Variants in RBMS3 observed in about 807,000 individuals in gnomAD.
RBMS3 encodes RNA-binding motif, single-stranded-interacting protein 3.
In RBMS3, 27 loss-of-function variants were observed where a neutral mutation model predicts 66.8. The observed-to-expected ratio is 0.40, with a 90% CI of 0.30 to 0.56. The LOEUF is 0.56. Among genes scored for constraint, RBMS3 ranks in the 20% least tolerant of loss-of-function variants. The pLI is 0.40. For synonymous variants in RBMS3, 188 were observed against 183.0 expected (o/e 1.03, Z -0.22); for missense variants, 513 against 549.5 (o/e 0.93, Z 0.66).
At chr3:29,906,623 A>G (rs2149622056) in intron 10 of RBMS3, among the ~76,000 whole-genome samples, 1 of 152,260 alleles carries the variant, frequency 6.6e-6, no homozygotes, top group African/African-American at 2.4e-5. Flanking sequence ...AAATGTATAT[A>G]CTAATTTTAT....
intron 7 of RBMS3, among the ~76,000 whole-genome samples, chr3:29,880,516 A>G (rs1396915593): frequency 1.3e-5 from 2 of 152,204 alleles, no homozygotes; most frequent in Non-Finnish European, 2.9e-5. Context: ...AGCAAAATCA[A>G]TTTCCTTTTT....
chr3:29,864,613 T>C (rs2059298604), intron 6 of RBMS3, among the ~76,000 whole-genome samples: 1 of 152,126 alleles, frequency 6.6e-6, no homozygotes, highest in Non-Finnish European at 1.5e-5. Context: ...CACTGACACA[T>C]GACCGGGTTT....
chr3:29,757,975 C>T lies in RBMS3; in HGVS notation c.558-4935C>T, dbSNP rs868596982. 5.9e-5 allele frequency among the ~76,000 whole-genome samples: 9 copies of T among 152,250 alleles called. No homozygotes were observed. The South Asian group carries it at 6.2e-4, about 11-fold the overall frequency. On this transcript the variant is annotated intron_variant, in intron 5 of 14. Transcript: ENST00000383767. ...CTCTGATCTGCGATAATTTCTTAGACTTTGTTTGTTGGAGTAGTACTGGCC... is the reference window on the plus strand; with the variant it reads ...CTCTGATCTGCGATAATTTCTTAGATTTTGTTTGTTGGAGTAGTACTGGCC...
intron 4 of RBMS3, among the ~76,000 whole-genome samples, chr3:29,590,620 G>T (rs1183673412): frequency 6.6e-6 from 1 of 151,666 alleles, no homozygotes; most frequent in Non-Finnish European, 1.5e-5. Flanking sequence ...CTCCTGAATT[G>T]CTACAGCTCC....
At chr3:29,443,023 C>T (rs922441232) in intron 2 of RBMS3, among the ~76,000 whole-genome samples, 1 of 152,124 alleles carries the variant, frequency 6.6e-6, no homozygotes, top group Non-Finnish European at 1.5e-5. Flanking sequence ...CCACCATCAA[C>T]TATTTGTTTA....
chr3:29,611,204 G>A (rs1323774257), intron 4 of RBMS3, among the ~76,000 whole-genome samples: 1 of 152,018 alleles, frequency 6.6e-6, no homozygotes, highest in African/African-American at 2.4e-5. Flanking sequence ...TATGATTGAA[G>A]CAACTGGAAA....
At chr3:29,564,402 C>T (rs1171121582) in intron 3 of RBMS3, among the ~76,000 whole-genome samples, 4 of 151,536 alleles carry the variant, frequency 2.6e-5, no homozygotes, top group African/African-American at 9.7e-5. Flanking sequence ...AGGAGAATCA[C>T]TTGAACCTGG....
chr3:29,531,236 A>T (rs866977255), intron 3 of RBMS3, among the ~76,000 whole-genome samples: 2 of 152,252 alleles, frequency 1.3e-5, no homozygotes, highest in African/African-American at 4.8e-5. Flanking sequence ...CTTGCCAGAC[A>T]GGCAGACTTT....
At position 29,942,892 on chromosome 3, in the gene RBMS3, AAAT is replaced by A. The variant is rs145691457; in HGVS notation, c.1051-1314_1051-1312del. On this transcript the variant is annotated intron_variant, in intron 11 of 14. Coordinates refer to ENST00000383767, the MANE Select transcript of RBMS3 (RefSeq NM_001003793.3). ...CTAGGAGTTACTACTATTATTTAAA[AAAT>A]TGGAAAAACTTTTAAAATGATTCTA... 7.3e-3 allele frequency among the ~76,000 whole-genome samples: 1,102 copies of A among 151,774 alleles called. 15 individuals carry two copies. Among genetic ancestry groups the A allele is most frequent in the African/African-American group, 0.026 (1,060 of 41,458 alleles).
At chr3:29,946,359 C>A (rs1695308163) in intron 12 of RBMS3, among the ~76,000 whole-genome samples, 3 of 151,590 alleles carry the variant, frequency 2.0e-5, no homozygotes, top group African/African-American at 7.3e-5. Flanking sequence ...TAGAATCCAA[C>A]TAAATTGTTT....
At chr3:29,347,547 GA>G (rs1334156258) in intron 1 of RBMS3, among the ~76,000 whole-genome samples, 2 of 152,108 alleles carry the variant, frequency 1.3e-5, no homozygotes, top group African/African-American at 4.8e-5. Context: ...GCGATGGGGG[GA>G]AAATGGTCTA....
In RBMS3 at chr3:29,438,756, TAC is replaced by T. The variant is rs539394235; in HGVS notation, c.248+3843_248+3844del. On this transcript the variant is annotated intron_variant, in intron 2 of 14. Coordinates refer to ENST00000383767, the MANE Select transcript of RBMS3 (RefSeq NM_001003793.3). ...ATTTTGTTCTCAATCAAGAAATATT[TAC>T]AGATTATATCCTGCATGCCTGTGGT... 1.3e-5 allele frequency among the ~76,000 whole-genome samples: 2 copies of T among 152,320 alleles called. 1 individual carries two copies. Among genetic ancestry groups the T allele is most frequent in the South Asian group, 4.1e-4 (2 of 4,826 alleles).
At chr3:29,437,438 A>T (rs1230698560) in intron 2 of RBMS3, among the ~76,000 whole-genome samples, 1 of 152,226 alleles carries the variant, frequency 6.6e-6, no homozygotes, top group African/African-American at 2.4e-5. Flanking sequence ...AAGTTTTGTT[A>T]ATGTTTTTTA....
chr3:29,926,091 G>A (rs1385116450), intron 10 of RBMS3, among the ~76,000 whole-genome samples: 2 of 151,998 alleles, frequency 1.3e-5, no homozygotes, highest in Non-Finnish European at 2.9e-5. Context: ...TAATATATAA[G>A]TTTTAACCTT....
At chr3:29,953,846 A>T (rs1695849262) in intron 12 of RBMS3, among the ~76,000 whole-genome samples, 1 of 151,940 alleles carries the variant, frequency 6.6e-6, no homozygotes, top group South Asian at 2.1e-4. Flanking sequence ...TTATGCTAAA[A>T]AATGACTCTT....
At chr3:29,508,982 G>A (rs929542760) in intron 3 of RBMS3, among the ~76,000 whole-genome samples, 3 of 151,462 alleles carry the variant, frequency 2.0e-5, no homozygotes, top group African/African-American at 7.3e-5. Context: ...GTGTTTGTTG[G>A]CTGCATAAAT....
intron 3 of RBMS3, among the ~76,000 whole-genome samples, chr3:29,564,800 A>C (rs1263533458): frequency 6.6e-6 from 1 of 152,132 alleles, no homozygotes; most frequent in Non-Finnish European, 1.5e-5. Flanking sequence ...ATCCTGCTGT[A>C]ATGTGTCAGC....
At chr3:29,334,832 T>C (rs568012842) in intron 1 of RBMS3, among the ~76,000 whole-genome samples, 1 of 152,316 alleles carries the variant, frequency 6.6e-6, no homozygotes, top group East Asian at 1.9e-4. Context: ...GAAACTGTTC[T>C]TTATATGCAA....
At chr3:29,800,148 A>T (rs2057343098) in intron 6 of RBMS3, among the ~76,000 whole-genome samples, 1 of 152,162 alleles carries the variant, frequency 6.6e-6, no homozygotes, top group African/African-American at 2.4e-5. Context: ...AGGGAAAAAT[A>T]TTCAGTTTTA....
Sources: allele counts gnomAD v4.1 joint callset (sites outside exome capture counted in the v4.1 genomes callset), GRCh38; gene constraint gnomAD v4.1.1; transcripts MANE v1.5; gene names NCBI Gene and HGNC (gene_info 2026-07-23, HGNC 2026-07-21).